The following BAZ1B variants were observed in gnomAD, a reference collection of about 807,000 sequenced individuals.
BAZ1B encodes the protein bromodomain adjacent to zinc finger domain 1B.
In BAZ1B, 22 loss-of-function variants were observed where a neutral mutation model predicts 153.8. The ratio of observed to expected loss-of-function variants is 0.14; its 90% CI spans 0.10 to 0.20. The LOEUF is 0.20. BAZ1B is among the 10% of genes least tolerant of loss of function. The pLI is 1.00. For missense variants in BAZ1B, 1,325 were observed against 1,799.3 expected (o/e 0.74, Z 4.77); for synonymous variants, 676 against 633.4 (o/e 1.07, Z -1.01).
At chr7:73,488,046 G>T (rs1554574692) in intron 6 of BAZ1B, among the ~76,000 whole-genome samples, 1 of 152,082 alleles carries the variant, frequency 6.6e-6, no homozygotes, top group African/African-American at 2.4e-5. Flanking sequence ...TATGACTTCA[G>T]ATGTCTTTAT....
chr7:73,512,028 C>CAAAAAAAAAAAAAA lies in BAZ1B; in HGVS notation c.108-1190_108-1177dup, dbSNP rs1168749967. 8.6e-5 allele frequency among the ~76,000 whole-genome samples: 3 copies of CAAAAAAAAAAAAAA among 34,750 alleles called. 1 individual carries two copies. Among genetic ancestry groups the CAAAAAAAAAAAAAA allele is most frequent in the African/African-American group, 3.7e-4 (3 of 8,142 alleles). 22.8% of individuals were successfully genotyped at this position (34,750 alleles called of 152,430 possible). A position where few individuals can be genotyped will look rare whatever the true frequency, so the allele number is the denominator to read the frequency against. ...GGGTGATAAGAGCGAAACTCCACCT[C>CAAAAAAAAAAAAAA]AAAAAAAAAAAAAAAAAAAAAAAAA... On this transcript the variant is annotated intron_variant, in intron 1 of 19. Transcript: ENST00000339594.
intron 3 of BAZ1B, among the ~76,000 whole-genome samples, chr7:73,499,095 G>A (rs1303664482): frequency 6.6e-6 from 1 of 151,606 alleles, no homozygotes; most frequent in Non-Finnish European, 1.5e-5. Context: ...GTATGATCTC[G>A]GCTCACTGCA....
At chr7:73,480,286 C>T (rs1316922557) in intron 6 of BAZ1B, among the ~76,000 whole-genome samples, 3 of 151,984 alleles carry the variant, frequency 2.0e-5, no homozygotes, top group Non-Finnish European at 4.4e-5. Flanking sequence ...TCTCCTGATA[C>T]ACATCTCATC....
chr7:73,515,531 C>CTTTTT (rs869065388), intron 1 of BAZ1B, among the ~76,000 whole-genome samples: 2 of 111,420 alleles, frequency 1.8e-5, no homozygotes, highest in Non-Finnish European at 3.6e-5. Context: ...AGCCTTGTTC[C>CTTTTT]TTTTTTTTTT....
At chr7:73,491,042 C>T in intron 5 of BAZ1B, among the ~76,000 whole-genome samples, 1 of 151,700 alleles carries the variant, frequency 6.6e-6, no homozygotes. Context: ...AATCCCAGTA[C>T]TTTGGGAAGC....
At chr7:73,451,016 C>A in intron 13 of BAZ1B, 22 bp from the exon 14 acceptor site, 1 of 1,613,004 alleles carries the variant, frequency 6.2e-7, no homozygotes, top group Non-Finnish European at 8.5e-7. Context: ...CCAAACCAGG[C>A]CAGCATTACT....
Position 73,478,186 on chromosome 7 carries a change from T to A in BAZ1B, c.1275A>T (p.Lys425Asn). The A allele has an allele frequency of 6.2e-7, 1 of 1,614,122 alleles. No individual in the cohort carries two copies. The highest frequency in any genetic ancestry group is 8.5e-7 in the Non-Finnish European group (1 of 1,180,018). Reference protein sequence around the residue: ...QKSTGNSKSPKKGLKTPKTKM... With the variant: ...QKSTGNSKSPNKGLKTPKTKM... ...TGGTTTTAGGAGTCTTCAGTCCTTT[T>A]TTGGGAGATTTGGAATTCCCTGTGG... Residue 425 changes from lysine (K) to asparagine (N), a missense_variant, in exon 7 of 20, where the codon AAA becomes AAT. Lys to Asn is a moderately conservative substitution (Grantham distance 94). Transcript: ENST00000339594.
intron 2 of BAZ1B, among the ~76,000 whole-genome samples, chr7:73,508,900 C>T (rs191547801): frequency 7.2e-5 from 11 of 152,094 alleles, no homozygotes; most frequent in African/African-American, 2.7e-4. Flanking sequence ...ATCGTCCCAG[C>T]TACTTGGGAG....
intron 16 of BAZ1B, 80 bp downstream of exon 16, chr7:73,447,184 C>G: frequency 6.2e-7 from 1 of 1,610,646 alleles, no homozygotes; most frequent in Non-Finnish European, 8.5e-7. Flanking sequence ...GCCACACTAC[C>G]TACTGCCAAG....
intron 5 of BAZ1B, among the ~76,000 whole-genome samples, chr7:73,491,986 CTTTTTTTTTTT>C (rs782649883): frequency 8.5e-6 from 1 of 117,260 alleles, no homozygotes; most frequent in Non-Finnish European, 1.7e-5. Flanking sequence ...CAGCAAAACG[CTTTTTTTTTTT>C]TTTTTTTTTT....
chr7:73,466,435 TA>T (rs1788588559), intron 9 of BAZ1B, 34 bp from the exon 10 acceptor site: 1 of 1,454,742 alleles, frequency 6.9e-7, no homozygotes, highest in Non-Finnish European at 9.7e-7. Context: ...TTGACTTTAG[TA>T]AATACCCAAT....
At chr7:73,491,557 C>T (rs972567001) in intron 5 of BAZ1B, among the ~76,000 whole-genome samples, 2 of 152,046 alleles carry the variant, frequency 1.3e-5, no homozygotes, top group South Asian at 2.1e-4. Flanking sequence ...CGAGATTGCG[C>T]CATTGCACTC....
At chr7:73,466,082 GA>G (rs1291720737) in intron 10 of BAZ1B, among the ~76,000 whole-genome samples, 17 of 151,904 alleles carry the variant, frequency 1.1e-4, no homozygotes, top group Non-Finnish European at 2.4e-4. Context: ...TTACAGGGGG[GA>G]AAAAATCAAA....
intron 8 of BAZ1B, 49 bp downstream of exon 8, chr7:73,470,296 G>C: frequency 2.0e-6 from 3 of 1,515,120 alleles, no homozygotes; most frequent in Non-Finnish European, 2.7e-6. Context: ...CTAACTAATA[G>C]CAATGTAAAT....
chr7:73,480,355 C>T (rs528354086), intron 6 of BAZ1B, among the ~76,000 whole-genome samples: 3 of 152,132 alleles, frequency 2.0e-5, no homozygotes, highest in Non-Finnish European at 2.9e-5. Flanking sequence ...GGTTACAGTC[C>T]GGTCCATTTG....
chr7:73,487,376 CTG>C (rs1460798526), intron 6 of BAZ1B, among the ~76,000 whole-genome samples: 3 of 152,150 alleles, frequency 2.0e-5, no homozygotes, highest in African/African-American at 7.2e-5. Context: ...CTGCAGTGAA[CTG>C]TGATTGTCCC....
intron 19 of BAZ1B, 190 bp from the exon 20 acceptor site, chr7:73,441,883 G>A (rs1196548855): frequency 4.3e-5 from 17 of 395,416 alleles, no homozygotes; most frequent in Non-Finnish European, 6.8e-5. Flanking sequence ...AAGCCAGAGC[G>A]AGCAGGCCCT....
intron 4 of BAZ1B, among the ~76,000 whole-genome samples, chr7:73,497,083 A>C (rs1293118050): frequency 2.7e-5 from 4 of 150,024 alleles, no homozygotes; most frequent in Admixed American, 6.7e-5. Context: ...AAAAAAAAAA[A>C]CCTACAAAAA....
At chr7:73,487,000 G>A (rs1346775881) in intron 6 of BAZ1B, among the ~76,000 whole-genome samples, 2 of 152,148 alleles carry the variant, frequency 1.3e-5, no homozygotes, top group Non-Finnish European at 2.9e-5. Context: ...TATTGTTTAA[G>A]GTAGGGAAAA....
Sources: allele counts gnomAD v4.1 joint callset (sites outside exome capture counted in the v4.1 genomes callset), GRCh38; gene constraint gnomAD v4.1.1; transcripts MANE v1.5; gene names NCBI Gene and HGNC (gene_info 2026-07-23, HGNC 2026-07-21).